The following SLC22A23 variants were observed in gnomAD, a reference collection of about 807,000 sequenced individuals.
The protein encoded by SLC22A23 is solute carrier family 22 member 23.
A neutral mutation model predicts 61.0 loss-of-function variants in SLC22A23; 26 were observed. That is an observed-to-expected ratio of 0.43 (90% CI 0.31 to 0.59). SLC22A23 has a LOEUF of 0.59. Among genes scored for constraint, SLC22A23 ranks in the 20% least tolerant of loss-of-function variants. The probability of loss-of-function intolerance (pLI) is 0.11; values close to 1 mark genes in which losing one functional copy is unlikely to be tolerated. For missense variants in SLC22A23, 796 were observed against 934.7 expected (o/e 0.85, Z 1.94); for synonymous variants, 430 against 413.9 (o/e 1.04, Z -0.47).
intron 1 of SLC22A23, among the ~76,000 whole-genome samples, chr6:3,419,685 C>T (rs1769989276): frequency 6.6e-6 from 1 of 152,182 alleles, no homozygotes; most frequent in Non-Finnish European, 1.5e-5. Flanking sequence ...AATGGAGGCA[C>T]AGTTCCCTGG....
chr6:3,386,385 G>A lies in SLC22A23; in HGVS notation c.913+23803C>T, dbSNP rs1046564776. 3.9e-5 allele frequency among the ~76,000 whole-genome samples: 6 copies of A among 152,302 alleles called. No homozygotes were observed. Among genetic ancestry groups the A allele is most frequent in the Middle Eastern group, 3.4e-3 (1 of 294 alleles). On this transcript the variant is annotated intron_variant, in intron 3 of 9. Transcript: ENST00000406686. This position sits in a 1 kb window ranked among gnomAD's most constrained non-coding sequence, Gnocchi z 4.4. ...GGGAGAGCACGCTTGCTCTGTGTAC[G>A]CCACACGCACAACCAGCCCTGGGGT...
chr6:3,366,833 A>C (rs1581761400), intron 3 of SLC22A23, among the ~76,000 whole-genome samples: 1 of 152,176 alleles, frequency 6.6e-6, no homozygotes, highest in East Asian at 1.9e-4. Flanking sequence ...ATGGTGGGTA[A>C]GACCTAGTTC....
At chr6:3,439,989 C>T (rs1771483754) in intron 1 of SLC22A23, among the ~76,000 whole-genome samples, 1 of 152,072 alleles carries the variant, frequency 6.6e-6, no homozygotes, top group Non-Finnish European at 1.5e-5. Flanking sequence ...TGAAACCTAC[C>T]ACCCAGGCCC....
At chr6:3,273,525 A>G in intron 9 of SLC22A23, 113 bp from the exon 10 acceptor site, 2 of 1,166,898 alleles carry the variant, frequency 1.7e-6, no homozygotes, top group South Asian at 1.4e-5. Context: ...TGCCCTGGGC[A>G]CTGCCCAGTA....
intron 3 of SLC22A23, among the ~76,000 whole-genome samples, chr6:3,388,030 G>A (rs557592740): frequency 1.1e-4 from 16 of 152,266 alleles, no homozygotes; most frequent in African/African-American, 3.1e-4. Flanking sequence ...AATTAAAACC[G>A]GATGCAGGCT....
At chr6:3,451,875 G>A (rs766834956) in intron 1 of SLC22A23, among the ~76,000 whole-genome samples, 2 of 152,286 alleles carry the variant, frequency 1.3e-5, no homozygotes, top group Middle Eastern at 3.4e-3. Flanking sequence ...GTGTGAACAC[G>A]ATACACATTC....
At chr6:3,401,243 C>G (rs150027529) in intron 3 of SLC22A23, among the ~76,000 whole-genome samples, 1 of 152,188 alleles carries the variant, frequency 6.6e-6, no homozygotes, top group Non-Finnish European at 1.5e-5. Context: ...GAGGCTGAGG[C>G]GGGAGAATCG....
At chr6:3,287,150 C>T in intron 6 of SLC22A23, 59 bp from the exon 7 acceptor site, 1 of 1,524,752 alleles carries the variant, frequency 6.6e-7, no homozygotes, top group Middle Eastern at 1.7e-4. Flanking sequence ...GGCTGCGCTG[C>T]CTCCTGGGAG....
chr6:3,438,336 C>T (rs935872410), intron 1 of SLC22A23: 10 of 360,440 alleles, frequency 2.8e-5, no homozygotes, highest in African/African-American at 2.1e-4. Context: ...AGCACACTCA[C>T]TTTCGGAGCC....
At chr6:3,439,490 A>C (rs1771448769) in intron 1 of SLC22A23, 8 of 280,366 alleles carry the variant, frequency 2.9e-5, no homozygotes, top group South Asian at 2.6e-4. Context: ...TTAAAGACAT[A>C]ATCAACTCCA....
At chr6:3,282,625 G>A (rs1759575821) in intron 9 of SLC22A23, among the ~76,000 whole-genome samples, 3 of 152,310 alleles carry the variant, frequency 2.0e-5, no homozygotes, top group South Asian at 4.1e-4. Flanking sequence ...GCGGACACCT[G>A]GGTTTTGACT....
At chr6:3,375,036 G>C (rs1407306056) in intron 3 of SLC22A23, among the ~76,000 whole-genome samples, 1 of 152,216 alleles carries the variant, frequency 6.6e-6, no homozygotes, top group African/African-American at 2.4e-5. Flanking sequence ...CAACGGTGCT[G>C]ATGATGGGAG....
intron 1 of SLC22A23, among the ~76,000 whole-genome samples, chr6:3,455,216 G>A (rs1772334754): frequency 6.6e-6 from 1 of 152,204 alleles, no homozygotes; most frequent in South Asian, 2.1e-4. Context: ...TTCAGCTAAA[G>A]CACACCCCCG....
At chr6:3,335,558 G>A (rs999350092) in intron 3 of SLC22A23, among the ~76,000 whole-genome samples, 2 of 152,142 alleles carry the variant, frequency 1.3e-5, no homozygotes, top group East Asian at 1.9e-4. Context: ...CAGTGAGCAG[G>A]GCTCTCACAT....
chr6:3,426,447 G>T (rs143318500), intron 1 of SLC22A23, among the ~76,000 whole-genome samples: 134 of 152,244 alleles, frequency 8.8e-4, no homozygotes, highest in Non-Finnish European at 1.3e-3. Context: ...CAGTGTGGTG[G>T]TACTACCTTC....
rs1465514397 is a variant in SLC22A23 at position 3,271,187 on chromosome 6, C to T, written c.*1868G>A. 1 of 152,330 alleles carries T rather than the reference C, an allele frequency of 6.6e-6. No homozygotes were observed. Among genetic ancestry groups the T allele is most frequent in the Non-Finnish European group, 1.5e-5 (1 of 68,050 alleles). The allele number at this position is 152,330 out of a possible 1,614,324, so 9.4% of individuals were successfully genotyped here. ...AGAAAGGCCTTTGTAAAGGTGAATG[C>T]AAACTAATGTTGAAACATGGAAATG... On this transcript the variant is annotated 3_prime_UTR_variant, in exon 10 of 10. Transcript: ENST00000406686.
chr6:3,452,153 T>C (rs939336195), intron 1 of SLC22A23, among the ~76,000 whole-genome samples: 12 of 152,232 alleles, frequency 7.9e-5, no homozygotes, highest in Admixed American at 2.0e-4. Flanking sequence ...AAATGTATTT[T>C]CCACTTTCAA....
rs565494616 is a variant in SLC22A23 at position 3,347,372 on chromosome 6, G to T, written c.914-23370C>A. Among the ~76,000 whole-genome samples, 457 of 152,294 alleles carry T rather than the reference G, an allele frequency of 3.0e-3. 7 individuals are homozygous for T. Among genetic ancestry groups the T allele is most frequent in the South Asian group, 8.7e-3 (42 of 4,820 alleles). On this transcript the variant is annotated intron_variant, in intron 3 of 9. Transcript: ENST00000406686. ...AAGAGCTGACACAGAGAAGACTCTG[G>T]TGAGTGTTGGCGGCTGACCTGAGCA...
intron 9 of SLC22A23, among the ~76,000 whole-genome samples, chr6:3,278,166 A>G (rs576765023): frequency 2.8e-4 from 42 of 152,296 alleles, no homozygotes; most frequent in Non-Finnish European, 5.1e-4. Flanking sequence ...CCTGTTTTGG[A>G]GCGATTGGTT....
Sources: gnomAD v4.1 joint callset for allele counts (sites outside exome capture counted in the v4.1 genomes callset) on GRCh38, gnomAD v4.1.1 for gene constraint, Gnocchi (gnomAD v3.1) non-coding constraint, MANE v1.5 for transcripts, NCBI Gene and HGNC (gene_info 2026-07-23, HGNC 2026-07-21) for gene names.